ZNF804A: variants seen among roughly 807,000 people sequenced by gnomAD.
ZNF804A encodes the protein zinc finger protein 804A.
ZNF804A carries 2 observed loss-of-function variants against 16.5 expected under a neutral mutation model. The observed-to-expected ratio is 0.12, with a 90% CI of 0.05 to 0.38. The LOEUF (loss-of-function observed/expected upper bound fraction) is 0.38, where lower values mean the gene tolerates loss of function less well. Among genes scored for constraint, ZNF804A ranks in the 10% least tolerant of loss-of-function variants. The pLI, the probability that ZNF804A is intolerant of heterozygous loss-of-function variation, is 0.99. For missense variants in ZNF804A, 1,473 were observed against 1,390.7 expected, an observed-to-expected ratio of 1.06 and a Z score of -0.94; for synonymous variants, 534 against 489.6, an observed-to-expected ratio of 1.09 and a Z score of -1.20.
chr2:184,851,552 A>G (rs965108310), intron 1 of ZNF804A, among the ~76,000 whole-genome samples: 19 of 152,052 alleles, frequency 1.2e-4, no homozygotes, highest in Non-Finnish European at 2.5e-4. Context: ...CACTGCGCAT[A>G]TATACACAAC....
chr2:184,853,656 C>A (rs543629516), intron 1 of ZNF804A, among the ~76,000 whole-genome samples: 4 of 151,688 alleles, frequency 2.6e-5, no homozygotes, highest in South Asian at 2.1e-4. Context: ...AATGATCATA[C>A]GGTTTTTGAC....
chr2:184,884,385 A>G (rs1684854825), intron 2 of ZNF804A, among the ~76,000 whole-genome samples: 2 of 152,178 alleles, frequency 1.3e-5, no homozygotes, highest in African/African-American at 4.8e-5. Flanking sequence ...AAAGCAACTT[A>G]CAGATTTAGT....
At chr2:184,886,607 ATCT>A (rs1411924470) in intron 2 of ZNF804A, among the ~76,000 whole-genome samples, 1 of 152,202 alleles carries the variant, frequency 6.6e-6, no homozygotes, top group East Asian at 1.9e-4. Context: ...ATTTCCATAC[ATCT>A]TCTGAAATCT....
At chr2:184,634,855 A>G (rs1009178282) in intron 1 of ZNF804A, among the ~76,000 whole-genome samples, 2 of 152,194 alleles carry the variant, frequency 1.3e-5, no homozygotes, top group Non-Finnish European at 1.5e-5. Flanking sequence ...ACAAACCAAA[A>G]GAAAATGTTT....
intron 1 of ZNF804A, among the ~76,000 whole-genome samples, chr2:184,765,316 C>T (rs934398710): frequency 2.0e-5 from 3 of 151,950 alleles, no homozygotes; most frequent in African/African-American, 7.3e-5. Context: ...AGGAGAGCAC[C>T]CCTCCTGTCG....
At position 184,833,967 on chromosome 2, in the gene ZNF804A, G is replaced by A. The variant is rs546699126; in HGVS notation, c.112-32402G>A. 2.0e-5 allele frequency among the ~76,000 whole-genome samples: 3 copies of A among 152,064 alleles called. No individual in the cohort carries two copies. In the East Asian group the frequency reaches 5.8e-4, roughly 29 times the overall value. On this transcript the variant is annotated intron_variant, in intron 1 of 3. Coordinates refer to ENST00000302277, the MANE Select transcript of ZNF804A (RefSeq NM_194250.2). ...CTTTGTAAGTAATGAATATTTTTGG[G>A]CAGATATTTTGAGACCGTGTAGATT...
intron 1 of ZNF804A, among the ~76,000 whole-genome samples, chr2:184,745,030 A>T (rs1693768028): frequency 6.6e-6 from 1 of 151,832 alleles, no homozygotes; most frequent in Non-Finnish European, 1.5e-5. Context: ...TTCAGTGGTT[A>T]AAAGTGCCTT....
At chr2:184,892,972 A>G (rs1209735493) in intron 2 of ZNF804A, among the ~76,000 whole-genome samples, 1 of 152,202 alleles carries the variant, frequency 6.6e-6, no homozygotes, top group Non-Finnish European at 1.5e-5. Context: ...AAGGAAGGCT[A>G]GAGCCTAACT....
chr2:184,734,670 G>A (rs1693580419), intron 1 of ZNF804A, among the ~76,000 whole-genome samples: 1 of 152,102 alleles, frequency 6.6e-6, no homozygotes, highest in Non-Finnish European at 1.5e-5. Context: ...GTTTATAGAT[G>A]TTCATTTTAT....
chr2:184,728,457 G>C (rs1693458641), intron 1 of ZNF804A, among the ~76,000 whole-genome samples: 1 of 151,806 alleles, frequency 6.6e-6, no homozygotes, highest in Non-Finnish European at 1.5e-5. Context: ...TATCAAACTA[G>C]TTCCCAGCAA....
At chr2:184,662,517 A>G (rs1692190580) in intron 1 of ZNF804A, among the ~76,000 whole-genome samples, 1 of 152,190 alleles carries the variant, frequency 6.6e-6, no homozygotes, top group South Asian at 2.1e-4. Context: ...ATACTTTGAA[A>G]TATTTGAATG....
chr2:184,773,233 G>T (rs1694243705), intron 1 of ZNF804A, among the ~76,000 whole-genome samples: 1 of 151,378 alleles, frequency 6.6e-6, no homozygotes, highest in Non-Finnish European at 1.5e-5. Flanking sequence ...TATCATATGG[G>T]TATTAAACAG....
At chr2:184,917,871 T>G (rs1271815255) in intron 2 of ZNF804A, among the ~76,000 whole-genome samples, 2 of 152,018 alleles carry the variant, frequency 1.3e-5, no homozygotes, top group Non-Finnish European at 2.9e-5. Flanking sequence ...ATTGAAGTCC[T>G]CATTTCTGTA....
intron 1 of ZNF804A, among the ~76,000 whole-genome samples, chr2:184,849,240 T>C (rs1173339097): frequency 2.0e-5 from 3 of 152,032 alleles, no homozygotes; most frequent in Admixed American, 2.0e-4. Context: ...TTTATCAGTA[T>C]GGAGCGGGAT....
chr2:184,600,119 G>T (rs1335996469), intron 1 of ZNF804A, among the ~76,000 whole-genome samples: 1 of 152,106 alleles, frequency 6.6e-6, no homozygotes, highest in Non-Finnish European at 1.5e-5. Context: ...TGAATGAGGA[G>T]AGTAGAAGTT....
At chr2:184,863,985 T>C (rs1023171312) in intron 1 of ZNF804A, among the ~76,000 whole-genome samples, 21 of 152,194 alleles carry the variant, frequency 1.4e-4, no homozygotes, top group African/African-American at 4.8e-4. Flanking sequence ...GCATTACTTA[T>C]TGAAATTGAT....
At chr2:184,720,044 G>A (rs990231224) in intron 1 of ZNF804A, among the ~76,000 whole-genome samples, 1 of 152,182 alleles carries the variant, frequency 6.6e-6, no homozygotes, top group African/African-American at 2.4e-5. Flanking sequence ...CACATGGCTG[G>A]GGAGGCCTCA....
At chr2:184,847,832 A>G (rs754167519) in intron 1 of ZNF804A, among the ~76,000 whole-genome samples, 5 of 152,028 alleles carry the variant, frequency 3.3e-5, no homozygotes, top group Admixed American at 6.6e-5. Flanking sequence ...AAAATGACTC[A>G]GAGAACTCAG....
At chr2:184,637,368 C>T (rs867306094) in intron 1 of ZNF804A, among the ~76,000 whole-genome samples, 1 of 152,064 alleles carries the variant, frequency 6.6e-6, no homozygotes, top group Non-Finnish European at 1.5e-5. Context: ...AAACTTGGTA[C>T]TCTCTGGAGA....
Sources: allele counts gnomAD v4.1 joint callset (sites outside exome capture counted in the v4.1 genomes callset), GRCh38; gene constraint gnomAD v4.1.1; transcripts MANE v1.5; gene names NCBI Gene and HGNC (gene_info 2026-07-23, HGNC 2026-07-21).